RSRC1: variants seen among roughly 807,000 people sequenced by gnomAD.
The protein encoded by RSRC1 is serine/Arginine-related protein 53.
RSRC1 carries 39 observed loss-of-function variants against 49.1 expected under a neutral mutation model. The ratio of observed to expected loss-of-function variants is 0.79; its 90% CI spans 0.61 to 1.04. The LOEUF (loss-of-function observed/expected upper bound fraction) is 1.04, where lower values mean the gene tolerates loss of function less well. Ranked by LOEUF, RSRC1 falls within the 50% of genes least tolerant of loss-of-function variation. RSRC1 has a pLI of 0.00. For synonymous variants in RSRC1, 143 were observed against 130.8 expected (o/e 1.09, Z -0.63); for missense variants, 388 against 402.4 (o/e 0.96, Z 0.31).
rs1206190365 is a variant in RSRC1, at chr3:158,122,256, G to C, written c.152G>C (p.Trp51Ser). The change falls in exon 2 of 10, where the codon TGG becomes TCG. Residue 51 changes from tryptophan to serine, a missense_variant. Physicochemically the swap from Trp to Ser is radical, Grantham distance 177. Transcript: ENST00000611884. ...AAATCAAGATCAAAGTCAAGATCTTGGTCCAGAGATCTTCAGCCTCGTTCA... is the reference window on the plus strand; with the variant it reads ...AAATCAAGATCAAAGTCAAGATCTTCGTCCAGAGATCTTCAGCCTCGTTCA... ...GRKSRSKSRSWSRDLQPRSHS... is the reference protein window; with the variant it reads ...GRKSRSKSRSSSRDLQPRSHS... The C allele has an allele frequency of 6.3e-7, 1 of 1,599,146 alleles. No individual in the cohort carries two copies. The highest frequency in any genetic ancestry group is 1.4e-5 in the African/African-American group (1 of 73,848).
At chr3:158,187,286 A>G (rs1188339775) in intron 3 of RSRC1, among the ~76,000 whole-genome samples, 1 of 152,038 alleles carries the variant, frequency 6.6e-6, no homozygotes, top group South Asian at 2.1e-4. Flanking sequence ...CTTAGCACAT[A>G]GAAGATCCTT....
At chr3:158,244,107 G>A (rs1723750766) in intron 4 of RSRC1, among the ~76,000 whole-genome samples, 1 of 151,926 alleles carries the variant, frequency 6.6e-6, no homozygotes. Context: ...CTATTTGAAT[G>A]TCCTGTATTT....
At chr3:158,436,802 T>C (rs1055355863) in intron 6 of RSRC1, among the ~76,000 whole-genome samples, 2 of 151,852 alleles carry the variant, frequency 1.3e-5, no homozygotes, top group Non-Finnish European at 2.9e-5. Flanking sequence ...CTATTGTGAG[T>C]GGTTGGCATA....
intron 3 of RSRC1, among the ~76,000 whole-genome samples, chr3:158,129,443 A>G (rs1559911550): frequency 6.6e-6 from 1 of 151,480 alleles, no homozygotes; most frequent in Non-Finnish European, 1.5e-5. Flanking sequence ...GGTGCCCACC[A>G]CCACGTCCAG....
At chr3:158,145,615 GC>G (rs1717045011) in intron 3 of RSRC1, among the ~76,000 whole-genome samples, 1 of 152,130 alleles carries the variant, frequency 6.6e-6, no homozygotes, top group South Asian at 2.1e-4. Flanking sequence ...GGCAATGCGG[GC>G]TCTTTTTTGG....
intron 6 of RSRC1, among the ~76,000 whole-genome samples, chr3:158,425,915 A>C (rs1184383431): frequency 6.6e-6 from 1 of 151,806 alleles, no homozygotes; most frequent in African/African-American, 2.4e-5. Flanking sequence ...ACCAGATAAT[A>C]AGATTCTATG....
chr3:158,508,426 T>C (rs546311595), intron 7 of RSRC1, among the ~76,000 whole-genome samples: 2 of 144,896 alleles, frequency 1.4e-5, no homozygotes, highest in African/African-American at 5.0e-5. Flanking sequence ...CATTTTTCTT[T>C]CTTAACTATC....
intron 6 of RSRC1, among the ~76,000 whole-genome samples, chr3:158,386,939 A>T (rs996132012): frequency 9.2e-5 from 14 of 152,212 alleles, no homozygotes; most frequent in African/African-American, 3.1e-4. Flanking sequence ...AGCAGACAAC[A>T]ATGAAATAAG....
At chr3:158,345,765 A>ATG (rs536811386) in intron 5 of RSRC1, among the ~76,000 whole-genome samples, 133 of 123,530 alleles carry the variant, frequency 1.1e-3, no homozygotes, top group Admixed American at 5.5e-3. Flanking sequence ...CATCATATAT[A>ATG]TGTGTGTGTG....
chr3:158,268,672 A>AT (rs965123300), intron 4 of RSRC1, among the ~76,000 whole-genome samples: 2 of 152,112 alleles, frequency 1.3e-5, no homozygotes, highest in African/African-American at 2.4e-5. Context: ...CCATAAATAC[A>AT]TTTTTTACCA....
chr3:158,295,491 C>G (rs827130), intron 4 of RSRC1, among the ~76,000 whole-genome samples: 105,133 of 152,000 alleles, frequency 0.69, 36,787 homozygotes, highest in East Asian at 0.85. Context: ...GACAAGGCAG[C>G]AACTACTGGC....
intron 4 of RSRC1, among the ~76,000 whole-genome samples, chr3:158,245,390 T>C (rs992344646): frequency 2.0e-5 from 3 of 152,208 alleles, no homozygotes; most frequent in Non-Finnish European, 2.9e-5. Flanking sequence ...TGAGAGACTG[T>C]TATGATTTCA....
rs183979402 is a variant in RSRC1, at chr3:158,360,093, T to C, written c.583+5185T>C. ...TCTCTGCAGAGAGAAGGCCCTGGAG[T>C]GGATGTCTTCCCTCTGCAGGCAGGT... On this transcript the variant is annotated intron_variant, in intron 6 of 9. Transcript: ENST00000611884. 2.4e-3 allele frequency among the ~76,000 whole-genome samples: 359 copies of C among 151,716 alleles called. 3 individuals carry two copies. Among genetic ancestry groups the C allele is most frequent in the African/African-American group, 8.2e-3 (340 of 41,364 alleles).
intron 7 of RSRC1, among the ~76,000 whole-genome samples, chr3:158,499,947 C>T (rs962478515): frequency 6.6e-6 from 1 of 152,094 alleles, no homozygotes; most frequent in Non-Finnish European, 1.5e-5. Flanking sequence ...TGTTCCAGCT[C>T]TCAGAGGGAA....
chr3:158,134,173 G>A (rs188796082), intron 3 of RSRC1, among the ~76,000 whole-genome samples: 64 of 152,246 alleles, frequency 4.2e-4, no homozygotes, highest in African/African-American at 1.5e-3. Flanking sequence ...TACTTTACTA[G>A]GATGGTAGGG....
intron 5 of RSRC1, among the ~76,000 whole-genome samples, chr3:158,346,120 C>T (rs568502302): frequency 6.6e-6 from 1 of 152,034 alleles, no homozygotes; most frequent in Non-Finnish European, 1.5e-5. Flanking sequence ...GTAAAGATTT[C>T]TTAAATACAC....
chr3:158,329,747 A>G (rs1433938996), intron 5 of RSRC1, among the ~76,000 whole-genome samples: 1 of 151,668 alleles, frequency 6.6e-6, no homozygotes, highest in Non-Finnish European at 1.5e-5. Context: ...GAGAACCACT[A>G]CTCTCTTCAA....
chr3:158,218,723 C>A (rs1040153627), intron 4 of RSRC1, among the ~76,000 whole-genome samples: 17 of 151,566 alleles, frequency 1.1e-4, no homozygotes, highest in African/African-American at 3.9e-4. Flanking sequence ...CTACAGAAAC[C>A]TATAAAGGGG....
intron 4 of RSRC1, among the ~76,000 whole-genome samples, chr3:158,215,612 T>A (rs574728807): frequency 6.6e-6 from 1 of 151,938 alleles, no homozygotes; most frequent in Admixed American, 6.6e-5. Flanking sequence ...TTTTATTACC[T>A]CATTTTAATT....
Sources: gnomAD v4.1 joint callset for allele counts (sites outside exome capture counted in the v4.1 genomes callset) on GRCh38, gnomAD v4.1.1 for gene constraint, MANE v1.5 for transcripts, NCBI Gene and HGNC (gene_info 2026-07-23, HGNC 2026-07-21) for gene names.